MORN1: variants seen among roughly 807,000 people sequenced by gnomAD.
The protein encoded by MORN1 is MORN repeat-containing protein 1.
Under a neutral mutation model 61.9 loss-of-function variants are expected in MORN1, and 67 were observed. The observed-to-expected ratio is 1.08, with a 90% CI of 0.89 to 1.33. The LOEUF is 1.33. Ranked by LOEUF, MORN1 falls within the 40% of genes most tolerant of loss-of-function variation. The pLI, the probability that MORN1 is intolerant of heterozygous loss-of-function variation, is 0.00. For missense variants in MORN1, 752 were observed against 691.2 expected, an observed-to-expected ratio of 1.09 and a Z score of -0.99; for synonymous variants, 301 against 292.0, an observed-to-expected ratio of 1.03 and a Z score of -0.31.
At chr1:2,321,964 C>T (rs1363695895) in intron 13 of MORN1, 4 of 964,260 alleles carry the variant, frequency 4.1e-6, no homozygotes, top group Middle Eastern at 5.3e-4. Flanking sequence ...AAATACTTTC[C>T]TACTTTTTTA....
chr1:2,379,293 G>A (rs1642318892), intron 6 of MORN1: 1 of 385,182 alleles, frequency 2.6e-6, no homozygotes, highest in South Asian at 2.0e-5. Flanking sequence ...AGAGAGAGAA[G>A]AAAGGACTTA....
chr1:2,359,090 C>T (rs1434244449), intron 8 of MORN1, among the ~76,000 whole-genome samples: 1 of 152,184 alleles, frequency 6.6e-6, no homozygotes, highest in African/African-American at 2.4e-5. Flanking sequence ...CCTTGCTGAC[C>T]AGCCTCAGGG....
intron 12 of MORN1, among the ~76,000 whole-genome samples, chr1:2,335,824 T>TCGC (rs1641253832): frequency 7.3e-6 from 1 of 137,170 alleles, no homozygotes; most frequent in African/African-American, 3.7e-5. Context: ...CCTCCTCGCC[T>TCGC]CCATAGCCCA....
intron 12 of MORN1, among the ~76,000 whole-genome samples, chr1:2,329,764 G>A (rs1342116011): frequency 6.6e-6 from 1 of 152,234 alleles, no homozygotes; most frequent in Non-Finnish European, 1.5e-5. Context: ...TCTGTCGAGG[G>A]TCTATTTCAG....
At chr1:2,366,618 G>C (rs1475918696) in intron 8 of MORN1, among the ~76,000 whole-genome samples, 1 of 152,130 alleles carries the variant, frequency 6.6e-6, no homozygotes, top group Non-Finnish European at 1.5e-5. Flanking sequence ...CCGCCTCCCA[G>C]GTTCAAGCAA....
Position 2,321,446 on chromosome 1 carries a change from A to G in MORN1, c.1431T>C (p.Pro477=), listed in dbSNP as rs1640878444. The G allele has an allele frequency of 6.5e-7, 1 of 1,541,416 alleles. No individual in the cohort carries two copies. Among genetic ancestry groups the G allele is most frequent in the Non-Finnish European group, 8.8e-7 (1 of 1,142,722 alleles). ...CGGCCTGCCAGCTGCTTGAGGCTTCAGGGCCTTCTTCCAGGACATGGGGTG... is the reference window on the plus strand; with the variant it reads ...CGGCCTGCCAGCTGCTTGAGGCTTCGGGGCCTTCTTCCAGGACATGGGGTG... ...GQPPHVLEEG[P]EASSSWQAAH... Residue 477 remains proline, a synonymous_variant, in exon 14 of 14, where the codon CCT becomes CCC. Coordinates refer to ENST00000378531, the MANE Select transcript of MORN1 (RefSeq NM_024848.3).
At chr1:2,336,652 TGGTG>T in intron 11 of MORN1, 61 bp downstream of exon 11, 1 of 1,568,090 alleles carries the variant, frequency 6.4e-7, no homozygotes, top group South Asian at 1.2e-5. Flanking sequence ...GGTGTTGAGG[TGGTG>T]GGTGGGCAGG....
chr1:2,359,704 G>A (rs1019386037), intron 8 of MORN1, among the ~76,000 whole-genome samples: 10 of 152,090 alleles, frequency 6.6e-5, no homozygotes, highest in Admixed American at 3.9e-4. Context: ...CCAACATGGC[G>A]AAACCTGTCT....
chr1:2,347,781 C>G (rs1283647023), intron 10 of MORN1, among the ~76,000 whole-genome samples: 2 of 152,218 alleles, frequency 1.3e-5, no homozygotes, highest in Non-Finnish European at 1.5e-5. Context: ...CCCGTCACCC[C>G]CCTGCCACCC....
intron 10 of MORN1, chr1:2,355,399 G>A (rs1189437753): frequency 1.9e-6 from 3 of 1,549,668 alleles, no homozygotes; most frequent in Non-Finnish European, 2.6e-6. Flanking sequence ...TGACGCCTGC[G>A]CTTGCTGGTC....
Position 2,321,330 on chromosome 1 carries a change from A to G in MORN1, c.*53T>C. 1 of 1,273,672 alleles carries G rather than the reference A, an allele frequency of 7.9e-7. No individual in the cohort carries two copies. Among genetic ancestry groups the G allele is most frequent in the Non-Finnish European group, 1.1e-6 (1 of 946,488 alleles). 78.9% of individuals were successfully genotyped at this position (1,273,672 alleles called of 1,614,324 possible). On this transcript the variant is annotated 3_prime_UTR_variant, in exon 14 of 14. Transcript: ENST00000378531. ...TCGGGGAGCAGAGTCACGCAAGCAGAGGCAGCGTTTCCTTCCATTCACACC... is the reference window on the plus strand; with the variant it reads ...TCGGGGAGCAGAGTCACGCAAGCAGGGGCAGCGTTTCCTTCCATTCACACC...
chr1:2,367,764 A>T (rs1015350179), intron 8 of MORN1, among the ~76,000 whole-genome samples: 4 of 151,666 alleles, frequency 2.6e-5, no homozygotes, highest in Non-Finnish European at 5.9e-5. Context: ...AGTAGCTGGG[A>T]CTACAGGCAC....
Position 2,323,029 on chromosome 1 carries a change from G to A in MORN1, c.1297+1068C>T, listed in dbSNP as rs1453927142. The A allele has an allele frequency of 5.1e-6, 5 of 985,336 alleles. No homozygotes were observed. In the East Asian group the frequency reaches 4.5e-4, roughly 89 times the overall value. 61.0% of individuals were successfully genotyped at this position (985,336 alleles called of 1,614,324 possible). A position where few individuals can be genotyped will look rare whatever the true frequency, so the allele number is the denominator to read the frequency against. ...ATCTCCCTTCGCTCCTCACCCCCAG[G>A]GCTGTCTCCGCCGAGCACATAAACC... On this transcript the variant is annotated intron_variant, in intron 13 of 13. Transcript: ENST00000378531.
intron 13 of MORN1, chr1:2,322,061 C>T: frequency 1.0e-6 from 1 of 985,426 alleles, no homozygotes; most frequent in Non-Finnish European, 1.2e-6. Context: ...GCTTTTGAAG[C>T]CCCGCCCTGG....
intron 5 of MORN1, chr1:2,385,500 T>C: frequency 3.0e-6 from 1 of 332,954 alleles, no homozygotes. Flanking sequence ...GAGACGCTCC[T>C]GTGGTGCCAC....
chr1:2,362,711 A>T (rs1425497380), intron 8 of MORN1, among the ~76,000 whole-genome samples: 1 of 152,148 alleles, frequency 6.6e-6, no homozygotes, highest in East Asian at 1.9e-4. Flanking sequence ...AAATACAAAA[A>T]AAATTAGCTG....
Position 2,372,390 on chromosome 1 carries a change from G to A in MORN1, c.745+91C>T. 1 of 991,460 alleles carries A rather than the reference G, an allele frequency of 1.0e-6. No individual in the cohort carries two copies. Among genetic ancestry groups the A allele is most frequent in the Non-Finnish European group, 1.5e-6 (1 of 670,076 alleles). 61.4% of individuals were successfully genotyped at this position (991,460 alleles called of 1,614,324 possible). On this transcript the variant is annotated intron_variant, in intron 8 of 13. Coordinates refer to ENST00000378531, the MANE Select transcript of MORN1 (RefSeq NM_024848.3). This position sits in a 1 kb window ranked among gnomAD's most constrained non-coding sequence, Gnocchi z 5.4. The stretch of plus-strand genomic sequence containing the variant: ...CACTGCTGTGCCTCAGGAGCCACAT[G>A]CAACATCTCGTCCGCATCTTCACTG...
At chr1:2,384,140 T>C (rs1642433747) in intron 6 of MORN1, among the ~76,000 whole-genome samples, 1 of 152,190 alleles carries the variant, frequency 6.6e-6, no homozygotes, top group Non-Finnish European at 1.5e-5. Flanking sequence ...TTTCATTACA[T>C]TTTTCCCCAT....
At chr1:2,369,773 C>T (rs77793792) in intron 8 of MORN1, among the ~76,000 whole-genome samples, 2,547 of 152,144 alleles carry the variant, frequency 0.017, 32 homozygotes, top group Non-Finnish European at 0.025. Flanking sequence ...GTATTAATAG[C>T]TTTCACAAAG....
Sources: gnomAD v4.1 joint callset for allele counts (sites outside exome capture counted in the v4.1 genomes callset) on GRCh38, gnomAD v4.1.1 for gene constraint, Gnocchi (gnomAD v3.1) non-coding constraint, MANE v1.5 for transcripts, NCBI Gene and HGNC (gene_info 2026-07-23, HGNC 2026-07-21) for gene names.